PIK3R3: variants seen among roughly 807,000 people sequenced by gnomAD.
PIK3R3 encodes phosphatidylinositol 3-kinase regulatory subunit gamma.
In PIK3R3, 64 loss-of-function variants were observed where a neutral mutation model predicts 62.9. The observed-to-expected ratio is 1.02, with a 90% CI of 0.83 to 1.25. The LOEUF (loss-of-function observed/expected upper bound fraction) is 1.25, where lower values mean the gene tolerates loss of function less well. PIK3R3 is among the 50% of genes most tolerant of loss of function. PIK3R3 has a pLI of 0.00. For synonymous variants in PIK3R3, 165 were observed against 189.0 expected (o/e 0.87, Z 1.04); for missense variants, 614 against 561.6 (o/e 1.09, Z -0.94).
chr1:46,091,623 A>G (rs1255027014), intron 1 of PIK3R3, among the ~76,000 whole-genome samples: 1 of 152,130 alleles, frequency 6.6e-6, no homozygotes, highest in Non-Finnish European at 1.5e-5. Context: ...ATATTAATTC[A>G]TTGTAATAAT....
In PIK3R3 at chr1:46,070,525, G is replaced by A. The variant is rs151055301; in HGVS notation, c.315-3434C>T. ...TGAAATTGTCATTTACGAAACTGACGAGGAAGCAGGATGAATGCATTGTGG... is the reference window on the plus strand; with the variant it reads ...TGAAATTGTCATTTACGAAACTGACAAGGAAGCAGGATGAATGCATTGTGG... On this transcript the variant is annotated intron_variant, in intron 3 of 9. Transcript: ENST00000262741. Among the ~76,000 whole-genome samples the A allele has an allele frequency of 1.8e-4, 28 of 152,364 alleles. No homozygotes were observed. The South Asian group carries it at 2.9e-3, about 16-fold the overall frequency.
the PIK3R3 span, among the ~76,000 whole-genome samples, chr1:46,172,719 C>T: frequency 2.0e-5 from 3 of 152,062 alleles, no homozygotes; most frequent in Non-Finnish European, 4.4e-5. Flanking sequence ...AGGGCTGAGC[C>T]AGGTGGCTCA....
At chr1:46,133,483 G>C (rs922473604), upstream of PIK3R3, among the ~76,000 whole-genome samples, 1 of 152,214 alleles carries the variant, frequency 6.6e-6, no homozygotes, top group Non-Finnish European at 1.5e-5. Context: ...GGAGGTCTCT[G>C]GGGAGACTCC....
In PIK3R3 at chr1:46,044,365, C is replaced by T. The variant is rs543230682; in HGVS notation, c.1188-494G>A. 6.6e-5 allele frequency among the ~76,000 whole-genome samples: 10 copies of T among 152,228 alleles called. No individual in the cohort carries two copies. Among genetic ancestry groups the T allele is most frequent in the Non-Finnish European group, 1.2e-4 (8 of 68,008 alleles). On this transcript the variant is annotated intron_variant, in intron 9 of 9. Coordinates refer to ENST00000262741, the MANE Select transcript of PIK3R3 (RefSeq NM_003629.4). The surrounding 1 kb of genome is among the most constrained non-coding windows in gnomAD (Gnocchi z 4.2). ...CTGGGATTACAGGTGTGAGCCACCA[C>T]GCCCAGCCAAGGGTAGTTTTTGATT... is the stretch of plus-strand genomic sequence containing the variant.
chr1:46,106,771 C>T (rs1653245875), intron 1 of PIK3R3, among the ~76,000 whole-genome samples: 1 of 151,934 alleles, frequency 6.6e-6, no homozygotes, highest in African/African-American at 2.4e-5. Context: ...AGATTGATTG[C>T]CTTAGTCTTT....
At chr1:46,108,548 ACAGTAATCAATGG>A (rs1200576093) in intron 1 of PIK3R3, among the ~76,000 whole-genome samples, 2 of 152,160 alleles carry the variant, frequency 1.3e-5, no homozygotes, top group Non-Finnish European at 2.9e-5. Context: ...TCCATCCCAG[ACAGTAATCAATGG>A]GTACTCTAAA....
the PIK3R3 span, among the ~76,000 whole-genome samples, chr1:46,172,732 C>G: frequency 6.6e-6 from 1 of 152,092 alleles, no homozygotes; most frequent in East Asian, 1.9e-4. Flanking sequence ...GTGGCTCATG[C>G]CTGTAATCCC....
At chr1:46,057,886 G>A (rs1035129818) in intron 6 of PIK3R3, among the ~76,000 whole-genome samples, 1 of 152,194 alleles carries the variant, frequency 6.6e-6, no homozygotes, top group African/African-American at 2.4e-5. Context: ...CAAGCCGGCT[G>A]CAGAAATTTG....
intron 1 of PIK3R3, among the ~76,000 whole-genome samples, chr1:46,089,413 TTATATAAAGAA>T (rs908145708): frequency 6.6e-6 from 1 of 152,042 alleles, no homozygotes; most frequent in Admixed American, 6.6e-5. Context: ...GTCTTTAAAT[TTATATAAAGAA>T]AGGAAATGAG....
At chr1:46,054,481 A>G (rs1052369397) in intron 7 of PIK3R3, among the ~76,000 whole-genome samples, 1 of 150,616 alleles carries the variant, frequency 6.6e-6, no homozygotes, top group African/African-American at 2.4e-5. Flanking sequence ...CTAGGTGTAT[A>G]TTTCATCCTC....
chr1:46,172,819 C>G, the PIK3R3 span, among the ~76,000 whole-genome samples: 1 of 151,956 alleles, frequency 6.6e-6, no homozygotes. Flanking sequence ...ATGGCAAAAC[C>G]CCATCTCTAC....
chr1:46,086,635 G>A (rs1226397601), intron 1 of PIK3R3, among the ~76,000 whole-genome samples: 2 of 152,140 alleles, frequency 1.3e-5, no homozygotes, highest in Non-Finnish European at 2.9e-5. Context: ...GGGAGGCAGA[G>A]GTTACAGTGA....
the PIK3R3 span, among the ~76,000 whole-genome samples, chr1:46,168,747 G>GA: frequency 6.6e-6 from 1 of 152,186 alleles, no homozygotes; most frequent in Non-Finnish European, 1.5e-5. Flanking sequence ...AAGTCCCCCT[G>GA]CCCCTGGCTC....
chr1:46,154,221 C>T, the PIK3R3 span, among the ~76,000 whole-genome samples: 1 of 152,040 alleles, frequency 6.6e-6, no homozygotes, highest in Non-Finnish European at 1.5e-5. Context: ...CAGCTTGAGG[C>T]CTATGCAAAA....
chr1:46,160,417 C>T, the PIK3R3 span, among the ~76,000 whole-genome samples: 1 of 152,192 alleles, frequency 6.6e-6, no homozygotes, highest in South Asian at 2.1e-4. Flanking sequence ...CATGCAAAAC[C>T]ACAGGACTTT....
intron 1 of PIK3R3, among the ~76,000 whole-genome samples, chr1:46,087,053 TG>T (rs1651127432): frequency 6.6e-6 from 1 of 151,864 alleles, no homozygotes; most frequent in African/African-American, 2.4e-5. Flanking sequence ...CACTCATAGG[TG>T]GGAACTGAAC....
chr1:46,089,778 A>G (rs1651441275), intron 1 of PIK3R3, among the ~76,000 whole-genome samples: 2 of 152,082 alleles, frequency 1.3e-5, no homozygotes, highest in Admixed American at 1.3e-4. Context: ...TGAACACTGT[A>G]CAGTAATAAT....
At chr1:46,155,925 G>A in the PIK3R3 span, among the ~76,000 whole-genome samples, 4 of 152,128 alleles carry the variant, frequency 2.6e-5, no homozygotes, top group Admixed American at 6.5e-5. Flanking sequence ...GTGGAGGCCT[G>A]GCAGATCTGA....
At position 46,056,088 on chromosome 1, in the gene PIK3R3, TCACCC is replaced by T. The variant is rs1647882027; in HGVS notation, c.765-122_765-118del. The stretch of plus-strand genomic sequence containing the variant: ...TCCCTTGAGATTGAGTCTCGCTCTG[TCACCC>T]AGGCTGGAGTGTAGTGGCATGATCT... On this transcript the variant is annotated intron_variant, in intron 6 of 9. Transcript: ENST00000262741. The T allele has an allele frequency of 4.7e-6, 3 of 634,974 alleles. No homozygotes were observed. In the African/African-American group the frequency reaches 5.7e-5, roughly 12 times the overall value. 39.3% of individuals were successfully genotyped at this position (634,974 alleles called of 1,614,324 possible).
Sources: gnomAD v4.1 joint callset for allele counts (sites outside exome capture counted in the v4.1 genomes callset) on GRCh38, gnomAD v4.1.1 for gene constraint, Gnocchi (gnomAD v3.1) non-coding constraint, MANE v1.5 for transcripts, NCBI Gene and HGNC (gene_info 2026-07-23, HGNC 2026-07-21) for gene names.